Variants in CFAP20DC observed in about 807,000 individuals in gnomAD.
The protein encoded by CFAP20DC is protein CFAP20DC.
In CFAP20DC, 84 loss-of-function variants were observed where a neutral mutation model predicts 101.7. That is an observed-to-expected ratio of 0.83 (90% confidence interval 0.69 to 0.99). The LOEUF (loss-of-function observed/expected upper bound fraction) is 0.99, where lower values mean the gene tolerates loss of function less well. CFAP20DC is among the 50% of genes least tolerant of loss of function. The pLI is 0.00. For missense variants in CFAP20DC, 1,007 were observed against 970.3 expected (o/e 1.04, Z -0.50); for synonymous variants, 359 against 351.2 (o/e 1.02, Z -0.25).
intron 13 of CFAP20DC, among the ~76,000 whole-genome samples, chr3:58,839,398 G>A (rs2076951774): frequency 6.6e-6 from 1 of 152,258 alleles, no homozygotes; most frequent in East Asian, 1.9e-4. Context: ...GGTTGGAGAT[G>A]AAGATAAGAT....
intron 15 of CFAP20DC, among the ~76,000 whole-genome samples, chr3:58,775,447 C>T (rs2071236335): frequency 2.0e-5 from 3 of 152,266 alleles, no homozygotes; most frequent in South Asian, 4.1e-4. Flanking sequence ...GATTGCAACA[C>T]ATTAGTTAGC....
Position 58,728,166 on chromosome 3 carries a change from T to C in CFAP20DC, c.198-10538A>G, listed in dbSNP as rs2067582550. 6.6e-6 allele frequency: 1 copy of C among 152,220 alleles called. No individual in the cohort carries two copies. Among genetic ancestry groups the C allele is most frequent in the Admixed American group, 6.5e-5 (1 of 15,274 alleles). 9.4% of individuals were successfully genotyped at this position (152,220 alleles called of 1,614,324 possible). A position where few individuals can be genotyped will look rare whatever the true frequency, so the allele number is the denominator to read the frequency against. ...CATAAACAGAAAGTAGAAAGTGAGA[T>C]TAAACTGTAAAGACCACTGATTATT... On this transcript the variant is annotated intron_variant, in intron 3 of 3. Transcript: ENST00000486145. The surrounding 1 kb of genome is among the most constrained non-coding windows in gnomAD (Gnocchi z 4.7).
In CFAP20DC at chr3:58,788,086, T is replaced by C. The variant is rs781735006; in HGVS notation, c.2237+18309A>G. Among the ~76,000 whole-genome samples, 1 of 151,102 alleles carries C rather than the reference T, an allele frequency of 6.6e-6. No individual in the cohort carries two copies. The highest frequency in any genetic ancestry group is 1.9e-4 in the East Asian group (1 of 5,158). Reference sequence around the variant, plus strand: ...AACCACCATGGCATGTGTATACCTATACATATATAACAAACCTGCATGTTC... The same window carrying C: ...AACCACCATGGCATGTGTATACCTACACATATATAACAAACCTGCATGTTC... On this transcript the variant is annotated intron_variant, in intron 15 of 16. Coordinates refer to ENST00000482387, the MANE Select transcript of CFAP20DC (RefSeq NM_001394063.1). The surrounding 1 kb of genome is among the most constrained non-coding windows in gnomAD (Gnocchi z 4.2).
At chr3:59,027,016 G>C (rs943396637) in intron 4 of CFAP20DC, among the ~76,000 whole-genome samples, 1 of 152,110 alleles carries the variant, frequency 6.6e-6, no homozygotes, top group Non-Finnish European at 1.5e-5. Flanking sequence ...TAAAATAAAA[G>C]AGTTAGCATT....
intron 6 of CFAP20DC, among the ~76,000 whole-genome samples, chr3:58,888,780 G>A (rs999406485): frequency 2.0e-5 from 3 of 152,320 alleles, no homozygotes; most frequent in Admixed American, 1.3e-4. Flanking sequence ...GAACATATGC[G>A]TGCATGTATC....
Position 58,867,843 on chromosome 3 carries a change from C to A in CFAP20DC, c.1109G>T (p.Ser370Ile). 6.2e-7 allele frequency: 1 copy of A among 1,613,596 alleles called. No homozygotes were observed. The highest frequency in any genetic ancestry group is 8.5e-7 in the Non-Finnish European group (1 of 1,179,620). Residue 370 changes from serine (S) to isoleucine (I), a missense_variant, in exon 10 of 17, where the codon AGC becomes ATC. Coordinates refer to ENST00000482387, the MANE Select transcript of CFAP20DC (RefSeq NM_001394063.1). ...NRRRLRLKSTSRERTETPSGS... is the reference protein window; with the variant it reads ...NRRRLRLKSTIRERTETPSGS... ...GCTGGGTGTCTCTGTCCTTTCTCTG[C>A]TGGTACTTTTTAACCGTAATCTTCT...
At chr3:58,985,020 C>G (rs2092705630) in intron 4 of CFAP20DC, among the ~76,000 whole-genome samples, 2 of 152,122 alleles carry the variant, frequency 1.3e-5, no homozygotes, top group African/African-American at 4.8e-5. Flanking sequence ...CCTGCCTCAG[C>G]CTCCTGAGTA....
chr3:58,896,382 C>T (rs2082670703), intron 6 of CFAP20DC, among the ~76,000 whole-genome samples: 1 of 151,998 alleles, frequency 6.6e-6, no homozygotes, highest in Non-Finnish European at 1.5e-5. Flanking sequence ...TCTCTATCTC[C>T]TTCATTTCAG....
intron 4 of CFAP20DC, among the ~76,000 whole-genome samples, chr3:59,000,060 C>T (rs186484143): frequency 1.4e-4 from 21 of 152,246 alleles, no homozygotes; most frequent in Non-Finnish European, 2.4e-4. Flanking sequence ...ACTGGTGTCA[C>T]CCTTGATCTT....
At chr3:59,004,472 A>G (rs2093386225) in intron 4 of CFAP20DC, among the ~76,000 whole-genome samples, 1 of 152,220 alleles carries the variant, frequency 6.6e-6, no homozygotes, top group Admixed American at 6.5e-5. Context: ...GGCCACTATA[A>G]TGGAAAATGT....
chr3:58,736,108 G>C (rs17059773), intron 3 of CFAP20DC, among the ~76,000 whole-genome samples: 2,037 of 152,264 alleles, frequency 0.013, 38 homozygotes, highest in African/African-American at 0.045. Flanking sequence ...TAGGTACTGA[G>C]ATGAATTTTA....
rs1357183868 is a variant in CFAP20DC at position 58,882,725 on chromosome 3, T to C, written c.715+1820A>G. On this transcript the variant is annotated intron_variant, in intron 7 of 16. Coordinates refer to ENST00000482387, the MANE Select transcript of CFAP20DC (RefSeq NM_001394063.1). This position sits in a 1 kb window ranked among gnomAD's most constrained non-coding sequence, Gnocchi z 4.2. ...CCATGGATTGTATACAGTCTCTCTCTGTCTAAATATAGTATATATAGTAAG... is the reference window on the plus strand; with the variant it reads ...CCATGGATTGTATACAGTCTCTCTCCGTCTAAATATAGTATATATAGTAAG... Among the ~76,000 whole-genome samples the C allele has an allele frequency of 2.0e-5, 3 of 152,178 alleles. No homozygotes were observed. The highest frequency in any genetic ancestry group is 4.4e-5 in the Non-Finnish European group (3 of 68,036).
chr3:58,931,498 GA>G (rs1237852183), intron 5 of CFAP20DC, among the ~76,000 whole-genome samples: 11 of 152,312 alleles, frequency 7.2e-5, no homozygotes, highest in African/African-American at 2.6e-4. Flanking sequence ...CCTGACCCCT[GA>G]GCAGCCTAAC....
intron 4 of CFAP20DC, among the ~76,000 whole-genome samples, chr3:59,031,235 A>G (rs2093989370): frequency 6.6e-6 from 1 of 152,334 alleles, no homozygotes; most frequent in East Asian, 1.9e-4. Flanking sequence ...AAGAGGGCTC[A>G]TCGGCAAAAG....
intron 5 of CFAP20DC, among the ~76,000 whole-genome samples, chr3:58,932,744 A>G (rs1419320900): frequency 2.6e-5 from 4 of 152,336 alleles, no homozygotes; most frequent in South Asian, 2.1e-4. Context: ...GTCACCACCA[A>G]GCTTGCCCTA....
At chr3:58,855,102 A>G (rs2078648614) in intron 12 of CFAP20DC, among the ~76,000 whole-genome samples, 1 of 151,212 alleles carries the variant, frequency 6.6e-6, no homozygotes, top group Non-Finnish European at 1.5e-5. Flanking sequence ...CAAAGGGCTA[A>G]TATCCAGAAT....
At chr3:59,044,192 T>C (rs1253086869) in intron 3 of CFAP20DC, among the ~76,000 whole-genome samples, 2 of 152,178 alleles carry the variant, frequency 1.3e-5, no homozygotes, top group Non-Finnish European at 2.9e-5. Context: ...AAAGTGGATG[T>C]TTACTCTTAA....
At chr3:58,954,646 TG>T (rs1350556959) in intron 4 of CFAP20DC, among the ~76,000 whole-genome samples, 2 of 152,230 alleles carry the variant, frequency 1.3e-5, no homozygotes, top group Non-Finnish European at 1.5e-5. Context: ...TAATGTTGCA[TG>T]ATTAGTATAG....
At chr3:59,020,573 T>G (rs983765028) in intron 4 of CFAP20DC, among the ~76,000 whole-genome samples, 3 of 152,036 alleles carry the variant, frequency 2.0e-5, no homozygotes, top group African/African-American at 7.2e-5. Flanking sequence ...GTGTTTATAG[T>G]AGGTTATCAC....
Sources: allele counts gnomAD v4.1 joint callset (sites outside exome capture counted in the v4.1 genomes callset), GRCh38; gene constraint gnomAD v4.1.1; non-coding constraint Gnocchi (gnomAD v3.1); transcripts MANE v1.5; gene names NCBI Gene and HGNC (gene_info 2026-07-23, HGNC 2026-07-21).